Variants in PTPN11 observed in about 807,000 individuals in gnomAD.
PTPN11 encodes protein tyrosine phosphatase non-receptor type 11, also known as tyrosine-protein phosphatase non-receptor type 11.
In PTPN11, 6 loss-of-function variants were observed where a neutral mutation model predicts 78.8. That is an observed-to-expected ratio of 0.08 (90% CI 0.04 to 0.15). PTPN11 has a LOEUF of 0.15. Among genes scored for constraint, PTPN11 ranks in the 10% least tolerant of loss-of-function variants. The pLI is 1.00. For missense variants in PTPN11, 386 were observed against 744.8 expected, an observed-to-expected ratio of 0.52 and a Z score of 5.61; for synonymous variants, 221 against 263.5, an observed-to-expected ratio of 0.84 and a Z score of 1.56.
At chr12:112,487,866 C>T (rs2038699253) in intron 11 of PTPN11, among the ~76,000 whole-genome samples, 2 of 152,214 alleles carry the variant, frequency 1.3e-5, no homozygotes, top group East Asian at 3.9e-4. Context: ...TCACTGCAAC[C>T]TCTGCTTTCT....
intron 13 of PTPN11, among the ~76,000 whole-genome samples, chr12:112,498,794 C>A (rs1245460039): frequency 6.6e-6 from 1 of 152,214 alleles, no homozygotes; most frequent in South Asian, 2.1e-4. Flanking sequence ...TTCTCTTGAT[C>A]TATAACACAG....
chr12:112,419,732 T>C (rs2037491804), intron 1 of PTPN11, among the ~76,000 whole-genome samples: 1 of 152,222 alleles, frequency 6.6e-6, no homozygotes, highest in South Asian at 2.1e-4. Context: ...CTCTGCGATC[T>C]TCGCTTTGGG....
intron 2 of PTPN11, among the ~76,000 whole-genome samples, chr12:112,447,778 G>A (rs1217728796): frequency 6.6e-6 from 1 of 150,922 alleles, no homozygotes; most frequent in Non-Finnish European, 1.5e-5. Flanking sequence ...GGAATTACAG[G>A]CATGAGCTAC....
At chr12:112,456,378 A>G (rs2038159716) in intron 6 of PTPN11, among the ~76,000 whole-genome samples, 1 of 152,000 alleles carries the variant, frequency 6.6e-6, no homozygotes, top group South Asian at 2.1e-4. Flanking sequence ...GATTTCCAGC[A>G]TGCACTGGGG....
In PTPN11 at chr12:112,482,835, G is replaced by A. The variant is rs2038617543; in HGVS notation, c.1224+630G>A. Reference sequence around the variant, plus strand: ...ACATTGTAGAGGTTTGAGTCTGAGCGGACAGTGGTGCTGTGGCAGACACCA... The same window carrying A: ...ACATTGTAGAGGTTTGAGTCTGAGCAGACAGTGGTGCTGTGGCAGACACCA... On this transcript the variant is annotated intron_variant, in intron 10 of 15. Coordinates refer to ENST00000351677, the MANE Select transcript of PTPN11 (RefSeq NM_002834.5). This position sits in a 1 kb window ranked among gnomAD's most constrained non-coding sequence, Gnocchi z 4.4. 6.6e-6 allele frequency among the ~76,000 whole-genome samples: 1 copy of A among 152,146 alleles called. No individual in the cohort carries two copies. The highest frequency in any genetic ancestry group is 1.5e-5 in the Non-Finnish European group (1 of 68,036).
At chr12:112,458,085 C>T (rs892272959) in intron 6 of PTPN11, among the ~76,000 whole-genome samples, 1 of 152,154 alleles carries the variant, frequency 6.6e-6, no homozygotes, top group Non-Finnish European at 1.5e-5. Flanking sequence ...AAATAAAGTC[C>T]TTTTAGCCAG....
intron 1 of PTPN11, among the ~76,000 whole-genome samples, chr12:112,429,026 C>T (rs1220231704): frequency 1.3e-5 from 2 of 152,130 alleles, no homozygotes; most frequent in Non-Finnish European, 1.5e-5. Flanking sequence ...GGATTACAGG[C>T]GTGAGCCACC....
rs139903373 is a variant in PTPN11 at position 112,471,566 on chromosome 12, G to A, written c.757-1378G>A. Among the ~76,000 whole-genome samples the A allele has an allele frequency of 1.9e-3, 288 of 151,338 alleles. 6 individuals are homozygous for A. Among genetic ancestry groups the A allele is most frequent in the East Asian group, 5.4e-3 (28 of 5,168 alleles). ...CACAGCTGTTATTTGTATATGCTAC[G>A]CCAATCCTTGTTGGGTTTCATTCTT... On this transcript the variant is annotated intron_variant, in intron 6 of 15. Transcript: ENST00000351677.
chr12:112,452,935 A>G (rs1486934629), intron 3 of PTPN11, among the ~76,000 whole-genome samples: 1 of 152,174 alleles, frequency 6.6e-6, no homozygotes. Flanking sequence ...AAAAAAAAAC[A>G]GGAAAGATTG....
At chr12:112,465,752 G>A (rs145285391) in intron 6 of PTPN11, among the ~76,000 whole-genome samples, 1 of 152,230 alleles carries the variant, frequency 6.6e-6, no homozygotes, top group Admixed American at 6.5e-5. Flanking sequence ...TTCAGGCTTT[G>A]TACCAAAGTC....
At chr12:112,462,347 C>T (rs2038260616) in intron 6 of PTPN11, among the ~76,000 whole-genome samples, 1 of 151,718 alleles carries the variant, frequency 6.6e-6, no homozygotes, top group Admixed American at 6.6e-5. Flanking sequence ...GAGCAGGGAC[C>T]CTGTTTTTAA....
intron 1 of PTPN11, chr12:112,428,883 G>T (rs556354157): frequency 5.4e-4 from 82 of 152,876 alleles, no homozygotes; most frequent in Non-Finnish European, 1.3e-4. Flanking sequence ...GAGTAGCTGG[G>T]ATTATAGACA....
chr12:112,480,657 A>G (rs1322684933), intron 9 of PTPN11, among the ~76,000 whole-genome samples: 1 of 152,084 alleles, frequency 6.6e-6, no homozygotes, highest in Non-Finnish European at 1.5e-5. Flanking sequence ...ACTGCGCCCA[A>G]CCAAGACCAC....
intron 10 of PTPN11, among the ~76,000 whole-genome samples, chr12:112,483,511 T>A (rs998236328): frequency 6.6e-6 from 1 of 152,154 alleles, no homozygotes; most frequent in African/African-American, 2.4e-5. Context: ...GGGAGGTTCT[T>A]AAGGCATAGG....
In PTPN11 at chr12:112,456,016, G is replaced by T; in HGVS notation, c.709G>T (p.Ala237Ser). Residue 237 changes from alanine (A) to serine (S), a missense_variant, in exon 6 of 16, where the codon GCT (alanine) becomes TCT (serine). By Grantham distance (99) the Ala-to-Ser change is moderately conservative. Around this residue, in one of 3 missense-constraint regions of PTPN11, gnomAD observed 279 missense variants for 503.3 expected, o/e 0.55. Transcript: ENST00000351677. The part of the protein sequence containing the change: ...ESRVRELSKL[A>S]ETTDKVKQGF... Reference sequence around the variant, plus strand: ...CAGAGTTCGAGAACTAAGCAAATTAGCTGAGACCACAGATAAAGTCAAACA... The same window carrying T: ...CAGAGTTCGAGAACTAAGCAAATTATCTGAGACCACAGATAAAGTCAAACA... 6.2e-7 allele frequency: 1 copy of T among 1,613,204 alleles called. No homozygotes were observed. The highest frequency in any genetic ancestry group is 8.5e-7 in the Non-Finnish European group (1 of 1,179,304).
At chr12:112,474,876 C>T (rs1320088954) in intron 7 of PTPN11, among the ~76,000 whole-genome samples, 1 of 152,084 alleles carries the variant, frequency 6.6e-6, no homozygotes, top group Non-Finnish European at 1.5e-5. Flanking sequence ...AACGATCTGC[C>T]TGCATCGGCC....
chr12:112,446,486 T>G lies in PTPN11; in HGVS notation c.137+88T>G, dbSNP rs1329125353. On this transcript the variant is annotated intron_variant, in intron 2 of 15. Coordinates refer to ENST00000351677, the MANE Select transcript of PTPN11 (RefSeq NM_002834.5). ...TGCTTGGATAGCTTGCTGCCTGCAT[T>G]TCGAGTTTGAAGGCCTTATCTGAGC... The G allele has an allele frequency of 7.5e-6, 12 of 1,591,152 alleles. No individual in the cohort carries two copies. In the African/African-American group the frequency reaches 8.1e-5, roughly 11 times the overall value.
intron 1 of PTPN11, among the ~76,000 whole-genome samples, chr12:112,439,353 G>A (rs1306095111): frequency 6.6e-6 from 1 of 152,010 alleles, no homozygotes; most frequent in Non-Finnish European, 1.5e-5. Flanking sequence ...GAGTGGAGTG[G>A]TGTGATTTCA....
chr12:112,437,830 C>T (rs2135844021), intron 1 of PTPN11, among the ~76,000 whole-genome samples: 1 of 152,212 alleles, frequency 6.6e-6, no homozygotes, highest in South Asian at 2.1e-4. Context: ...TATTTTTAAT[C>T]AGGTAGCCTC....
Sources: gnomAD v4.1 joint callset for allele counts (sites outside exome capture counted in the v4.1 genomes callset) on GRCh38, gnomAD v4.1.1 for gene constraint, gnomAD v4.1.1 regional missense constraint, Gnocchi (gnomAD v3.1) non-coding constraint, MANE v1.5 for transcripts, NCBI Gene and HGNC (gene_info 2026-07-23, HGNC 2026-07-21) for gene names.